PCCA: variants seen among roughly 807,000 people sequenced by gnomAD.
PCCA encodes propionyl-CoA carboxylase alpha chain, mitochondrial.
In PCCA, 74 loss-of-function variants were observed where a neutral mutation model predicts 101.3. That is an observed-to-expected ratio of 0.73 (90% confidence interval 0.61 to 0.89). The LOEUF (loss-of-function observed/expected upper bound fraction) is 0.89, where lower values mean the gene tolerates loss of function less well. PCCA is among the 40% of genes least tolerant of loss of function. PCCA has a pLI of 0.00. For missense variants in PCCA, 891 were observed against 907.0 expected (o/e 0.98, Z 0.23); for synonymous variants, 294 against 313.6 (o/e 0.94, Z 0.66).
chr13:100,434,945 C>T (rs928092568), intron 20 of PCCA, among the ~76,000 whole-genome samples: 7 of 152,166 alleles, frequency 4.6e-5, no homozygotes, highest in African/African-American at 1.7e-4. Flanking sequence ...TCACTGGTCC[C>T]ACAGCTTCCT....
chr13:100,252,730 T>G (rs1249686293), intron 8 of PCCA, among the ~76,000 whole-genome samples: 1 of 152,186 alleles, frequency 6.6e-6, no homozygotes, highest in African/African-American at 2.4e-5. Context: ...GCTCCTAGAA[T>G]CTTCCTTCAT....
At chr13:100,235,792 G>C (rs373694044) in intron 7 of PCCA, 50 bp from the exon 8 acceptor site, 1 of 1,324,668 alleles carries the variant, frequency 7.5e-7, no homozygotes, top group Non-Finnish European at 1.1e-6. Context: ...TAAAGACATT[G>C]TGCAATGCCT....
intron 12 of PCCA, among the ~76,000 whole-genome samples, chr13:100,283,836 T>A (rs529630425): frequency 1.3e-5 from 2 of 152,284 alleles, no homozygotes; most frequent in South Asian, 4.1e-4. Flanking sequence ...TAGGACACTT[T>A]TAAAAAGATT....
intron 4 of PCCA, among the ~76,000 whole-genome samples, chr13:100,140,062 C>T (rs1651447018): frequency 6.6e-6 from 1 of 152,140 alleles, no homozygotes; most frequent in South Asian, 2.1e-4. Flanking sequence ...CATACATGCC[C>T]AACCTAGGGA....
At chr13:100,225,137 T>A (rs2060077912) in intron 7 of PCCA, among the ~76,000 whole-genome samples, 1 of 152,232 alleles carries the variant, frequency 6.6e-6, no homozygotes, top group African/African-American at 2.4e-5. Context: ...GATCCTCTTC[T>A]AATCCAGGAT....
intron 16 of PCCA, among the ~76,000 whole-genome samples, chr13:100,313,446 G>A (rs1385574867): frequency 6.6e-6 from 1 of 152,176 alleles, no homozygotes; most frequent in Non-Finnish European, 1.5e-5. Flanking sequence ...TTGGTGGGCA[G>A]GGGGCCAGGG....
intron 8 of PCCA, 25 bp downstream of exon 8, chr13:100,235,903 A>G (rs1472164209): frequency 1.4e-5 from 21 of 1,512,044 alleles, no homozygotes; most frequent in Non-Finnish European, 1.7e-5. Context: ...TAACTTTGGT[A>G]GGATTTCTGT....
intron 21 of PCCA, among the ~76,000 whole-genome samples, chr13:100,475,445 C>T (rs980868415): frequency 2.1e-4 from 32 of 152,198 alleles, no homozygotes; most frequent in African/African-American, 7.5e-4. Context: ...CTTTCACTTA[C>T]ATACTGGTAT....
intron 12 of PCCA, among the ~76,000 whole-genome samples, chr13:100,285,103 C>T (rs537845881): frequency 1.3e-5 from 2 of 152,274 alleles, no homozygotes; most frequent in South Asian, 2.1e-4. Flanking sequence ...CATCAAGGAA[C>T]GAATACAGCC....
At chr13:100,166,521 A>G (rs573693817) in intron 6 of PCCA, among the ~76,000 whole-genome samples, 1 of 151,608 alleles carries the variant, frequency 6.6e-6, no homozygotes, top group Non-Finnish European at 1.5e-5. Flanking sequence ...CTGGTTTCGA[A>G]CTCCTGGCCT....
chr13:100,528,570 A>G (rs1328335313), intron 23 of PCCA, among the ~76,000 whole-genome samples: 2 of 152,198 alleles, frequency 1.3e-5, no homozygotes, highest in African/African-American at 2.4e-5. Context: ...AGGCAATGAA[A>G]TGGATTCTCA....
At chr13:100,126,756 C>G (rs1363044340) in intron 4 of PCCA, among the ~76,000 whole-genome samples, 4 of 152,144 alleles carry the variant, frequency 2.6e-5, no homozygotes, top group Non-Finnish European at 5.9e-5. Flanking sequence ...GATTATATCT[C>G]TAGGCAAATT....
intron 7 of PCCA, among the ~76,000 whole-genome samples, chr13:100,228,892 T>C (rs778273351): frequency 7.2e-6 from 1 of 138,974 alleles, no homozygotes; most frequent in Admixed American, 7.2e-5. Context: ...ACAGTGAGAC[T>C]CTTTCTCAAA....
intron 4 of PCCA, among the ~76,000 whole-genome samples, chr13:100,130,821 G>A (rs2050431325): frequency 6.6e-6 from 1 of 152,178 alleles, no homozygotes; most frequent in Non-Finnish European, 1.5e-5. Flanking sequence ...ATGAAACTCA[G>A]CTGGGATGCT....
At chr13:100,349,577 A>T (rs943552853) in intron 18 of PCCA, among the ~76,000 whole-genome samples, 2 of 152,188 alleles carry the variant, frequency 1.3e-5, no homozygotes, top group African/African-American at 4.8e-5. Flanking sequence ...TCTGGTTTCT[A>T]CTTTATCCTC....
chr13:100,277,081 C>T (rs1378617856), intron 12 of PCCA, among the ~76,000 whole-genome samples: 1 of 152,102 alleles, frequency 6.6e-6, no homozygotes, highest in African/African-American at 2.4e-5. Context: ...GTGACTACGG[C>T]AATCTAAGCT....
intron 11 of PCCA, among the ~76,000 whole-genome samples, chr13:100,269,902 C>G (rs1309613646): frequency 6.6e-6 from 1 of 152,140 alleles, no homozygotes; most frequent in African/African-American, 2.4e-5. Flanking sequence ...TCTCTTTGAG[C>G]AGTGAGGGGA....
At chr13:100,505,040 G>GT (rs2085960101) in intron 21 of PCCA, among the ~76,000 whole-genome samples, 1 of 152,222 alleles carries the variant, frequency 6.6e-6, no homozygotes, top group South Asian at 2.1e-4. Context: ...TCCCAAGCTT[G>GT]TAAGTGGAAC....
intron 18 of PCCA, among the ~76,000 whole-genome samples, 194 bp from the exon 19 acceptor site, chr13:100,368,273 GATGAA>G (rs1304752279): frequency 5.2e-4 from 79 of 152,170 alleles, no homozygotes; most frequent in African/African-American, 1.8e-3. Flanking sequence ...GCTTCAGGCA[GATGAA>G]TTTGTGAATG....
Sources: allele counts gnomAD v4.1 joint callset (sites outside exome capture counted in the v4.1 genomes callset), GRCh38; gene constraint gnomAD v4.1.1; transcripts MANE v1.5; gene names NCBI Gene and HGNC (gene_info 2026-07-23, HGNC 2026-07-21).